The following COL23A1 variants were observed in gnomAD, a reference collection of about 807,000 sequenced individuals.
COL23A1 encodes the protein collagen type XXIII alpha 1 chain.
In COL23A1, 97 loss-of-function variants were observed where a neutral mutation model predicts 99.3. The observed-to-expected ratio is 0.98, with a 90% confidence interval of 0.83 to 1.16. The LOEUF (loss-of-function observed/expected upper bound fraction) is 1.16. Ranked by LOEUF, COL23A1 falls within the 50% of genes most tolerant of loss-of-function variation. The pLI, the probability that COL23A1 is intolerant of heterozygous loss-of-function variation, is 0.00. For synonymous variants in COL23A1, 320 were observed against 308.2 expected (o/e 1.04, Z -0.40); for missense variants, 762 against 757.4 (o/e 1.01, Z -0.07).
rs1263951025 is a variant in COL23A1, at chr5:178,308,033, CTG to C, written c.362-1116_362-1115del. On this transcript the variant is annotated intron_variant, in intron 2 of 28. Transcript: ENST00000390654. This position sits in a 1 kb window ranked among gnomAD's most constrained non-coding sequence, Gnocchi z 5.1. ...TCTGTGTGTGTCTGTTTGCATGTGTCTGTGTGTGTCTCTATGTATGTGTGTTT... is the reference window on the plus strand; with the variant it reads ...TCTGTGTGTGTCTGTTTGCATGTGTCTGTGTGTCTCTATGTATGTGTGTTT... Among the ~76,000 whole-genome samples, 1 of 150,762 alleles carries C rather than the reference CTG, an allele frequency of 6.6e-6. No individual in the cohort carries two copies. Among genetic ancestry groups the C allele is most frequent in the African/African-American group, 2.5e-5 (1 of 40,226 alleles).
intron 2 of COL23A1, among the ~76,000 whole-genome samples, chr5:178,400,169 A>G (rs1764361977): frequency 6.6e-6 from 1 of 152,086 alleles, no homozygotes; most frequent in South Asian, 2.1e-4. Context: ...GATCGAGACC[A>G]TCCTGGCTAA....
chr5:178,526,963 A>G (rs1237644813), intron 2 of COL23A1, among the ~76,000 whole-genome samples: 2 of 152,230 alleles, frequency 1.3e-5, no homozygotes, highest in Admixed American at 1.3e-4. Flanking sequence ...CCTTTGTCCT[A>G]GCACCCCAGG....
intron 25 of COL23A1, among the ~76,000 whole-genome samples, chr5:178,243,284 T>C (rs1764506426): frequency 6.6e-6 from 1 of 151,622 alleles, no homozygotes; most frequent in Admixed American, 6.6e-5. Flanking sequence ...GCTCAGGAGT[T>C]CAAGACCAGC....
intron 1 of COL23A1, among the ~76,000 whole-genome samples, chr5:178,588,136 A>T (rs1456996624): frequency 6.6e-6 from 1 of 152,188 alleles, no homozygotes; most frequent in Non-Finnish European, 1.5e-5. Flanking sequence ...ACAGAGAGAG[A>T]GAGAGAACAC....
At chr5:178,290,217 C>G in intron 4 of COL23A1, 145 bp downstream of exon 4, 1 of 1,113,384 alleles carries the variant, frequency 9.0e-7, no homozygotes, top group East Asian at 2.4e-5. Context: ...CAGGCGTGAG[C>G]CACCGCACCT....
intron 2 of COL23A1, among the ~76,000 whole-genome samples, chr5:178,524,574 C>T (rs558072194): frequency 2.0e-5 from 3 of 152,310 alleles, no homozygotes; most frequent in Non-Finnish European, 4.4e-5. Flanking sequence ...TGGAAATGGT[C>T]GGGCATTGAC....
chr5:178,423,923 T>C (rs892361726), intron 2 of COL23A1, among the ~76,000 whole-genome samples: 3 of 152,186 alleles, frequency 2.0e-5, no homozygotes, highest in African/African-American at 7.2e-5. Flanking sequence ...CTCACCCTAA[T>C]CCAGCAGATA....
Position 178,413,748 on chromosome 5 carries a change from A to T in COL23A1, c.362-106829T>A, listed in dbSNP as rs550982399. Among the ~76,000 whole-genome samples, 8 of 152,316 alleles carry T rather than the reference A, an allele frequency of 5.3e-5. No individual in the cohort carries two copies. In the South Asian group the frequency reaches 1.7e-3, roughly 32 times the overall value. On this transcript the variant is annotated intron_variant, in intron 2 of 28. Coordinates refer to ENST00000390654, the MANE Select transcript of COL23A1 (RefSeq NM_173465.4). ...CCTATGTGGGGATGGGGAATTGGAC[A>T]AGGTTAGCAGAGGGTTCCAGGCAAA...
At chr5:178,450,089 T>C (rs1325238748) in intron 2 of COL23A1, among the ~76,000 whole-genome samples, 1 of 152,174 alleles carries the variant, frequency 6.6e-6, no homozygotes, top group Non-Finnish European at 1.5e-5. Context: ...CTGATTTAGA[T>C]GTGGGAATTA....
At chr5:178,305,582 G>GT (rs1758306778) in intron 3 of COL23A1, among the ~76,000 whole-genome samples, 4 of 152,328 alleles carry the variant, frequency 2.6e-5, no homozygotes, top group South Asian at 4.1e-4. Context: ...ACCATTAGAG[G>GT]TTTTTTTGGA....
chr5:178,516,287 G>C (rs1759509192), intron 2 of COL23A1, among the ~76,000 whole-genome samples: 1 of 152,220 alleles, frequency 6.6e-6, no homozygotes, highest in Non-Finnish European at 1.5e-5. Context: ...CTGGTACCCA[G>C]AGGCTGAGCA....
chr5:178,364,135 T>TA (rs1381000980), intron 2 of COL23A1, among the ~76,000 whole-genome samples: 1 of 152,184 alleles, frequency 6.6e-6, no homozygotes. Flanking sequence ...CATGGACATT[T>TA]AAAGCCGCGT....
rs912414376 is a variant in COL23A1 at position 178,273,354 on chromosome 5, T to TG, written c.442-2992dup. Among the ~76,000 whole-genome samples the TG allele has an allele frequency of 1.5e-4, 23 of 152,226 alleles. 1 individual carries two copies. Among genetic ancestry groups the TG allele is most frequent in the African/African-American group, 5.1e-4 (21 of 41,464 alleles). On this transcript the variant is annotated intron_variant, in intron 5 of 28. Coordinates refer to ENST00000390654, the MANE Select transcript of COL23A1 (RefSeq NM_173465.4). ...CCCTCTGTCAAGCTAGGACTGTTCCTGGGGGGTCACTGATGGCGCAGCCTT... is the reference window on the plus strand; with the variant it reads ...CCCTCTGTCAAGCTAGGACTGTTCCTGGGGGGGTCACTGATGGCGCAGCCTT...
Position 178,254,826 on chromosome 5 carries a change from C to T in COL23A1, c.960+123G>A, listed in dbSNP as rs900358786. On this transcript the variant is annotated intron_variant, in intron 16 of 28. Coordinates refer to ENST00000390654, the MANE Select transcript of COL23A1 (RefSeq NM_173465.4). The stretch of plus-strand genomic sequence containing the variant: ...TTGGGTGCCTAGTAACAGCCGGGGT[C>T]TTTGTGCTAAGCTGCCTCTGGTCCC... 8.2e-5 allele frequency: 67 copies of T among 818,334 alleles called. 1 individual carries two copies. The East Asian group carries it at 1.4e-3, about 17-fold the overall frequency. The allele number at this position is 818,334 out of a possible 1,614,324, so 50.7% of individuals were successfully genotyped here. A position where few individuals can be genotyped will look rare whatever the true frequency, so the allele number is the denominator to read the frequency against.
At chr5:178,521,552 C>CAAA (rs5873620) in intron 2 of COL23A1, among the ~76,000 whole-genome samples, 7 of 113,322 alleles carry the variant, frequency 6.2e-5, no homozygotes, top group African/African-American at 1.6e-4. Context: ...GACTCCATCT[C>CAAA]AAAAAAAAAA....
chr5:178,489,492 T>G (rs1302578151), intron 2 of COL23A1, among the ~76,000 whole-genome samples: 1 of 152,230 alleles, frequency 6.6e-6, no homozygotes, highest in Non-Finnish European at 1.5e-5. Flanking sequence ...TGTGAGTCAA[T>G]TCTTCCCAAT....
rs998287170 is a variant in COL23A1, at chr5:178,307,384, C to G, written c.362-465G>C. Among the ~76,000 whole-genome samples the G allele has an allele frequency of 7.9e-5, 12 of 152,232 alleles. No homozygotes were observed. The highest frequency in any genetic ancestry group is 9.6e-5 in the African/African-American group (4 of 41,460). The stretch of plus-strand genomic sequence containing the variant: ...CAACACAACAAAGAGGCCATCACGG[C>G]CGCGCAGCGCCGAAATCCACTCATG... On this transcript the variant is annotated intron_variant, in intron 2 of 28. Transcript: ENST00000390654. The surrounding 1 kb of genome is among the most constrained non-coding windows in gnomAD (Gnocchi z 4.2).
chr5:178,281,921 G>A lies in COL23A1; in HGVS notation c.441+6403C>T, dbSNP rs1460984795. 6.6e-6 allele frequency among the ~76,000 whole-genome samples: 1 copy of A among 151,692 alleles called. No homozygotes were observed. Among genetic ancestry groups the A allele is most frequent in the Admixed American group, 6.6e-5 (1 of 15,230 alleles). On this transcript the variant is annotated intron_variant, in intron 5 of 28. Transcript: ENST00000390654. This position sits in a 1 kb window ranked among gnomAD's most constrained non-coding sequence, Gnocchi z 4.0. Reference sequence around the variant, plus strand: ...AAAAAAATCAGCCAGGCGTGGTGGTGCGTACCTGTAATCCTAGCTACTTGG... The same window carrying A: ...AAAAAAATCAGCCAGGCGTGGTGGTACGTACCTGTAATCCTAGCTACTTGG...
chr5:178,495,047 G>A (rs1758126977), intron 2 of COL23A1, among the ~76,000 whole-genome samples: 1 of 152,196 alleles, frequency 6.6e-6, no homozygotes, highest in African/African-American at 2.4e-5. Flanking sequence ...CAGAGACACT[G>A]CCAGTGTCTG....
Sources: gnomAD v4.1 joint callset for allele counts (sites outside exome capture counted in the v4.1 genomes callset) on GRCh38, gnomAD v4.1.1 for gene constraint, Gnocchi (gnomAD v3.1) non-coding constraint, MANE v1.5 for transcripts, NCBI Gene and HGNC (gene_info 2026-07-23, HGNC 2026-07-21) for gene names.